The following FBN1 variants were observed in gnomAD, a reference collection of about 807,000 sequenced individuals.
The protein encoded by FBN1 is fibrillin 1, also known as fibrillin-1.
Under a neutral mutation model 365.1 loss-of-function variants are expected in FBN1, and 29 were observed. That is an observed-to-expected ratio of 0.08 (90% CI 0.06 to 0.11). The LOEUF is 0.11. Ranked by LOEUF, FBN1 falls within the 10% of genes least tolerant of loss-of-function variation. The probability of loss-of-function intolerance (pLI) is 1.00; values close to 1 mark genes in which losing one functional copy is unlikely to be tolerated. For synonymous variants in FBN1, 1,210 were observed against 1,270.5 expected, an observed-to-expected ratio of 0.95 and a Z score of 1.01; for missense variants, 2,476 against 3,703.2, an observed-to-expected ratio of 0.67 and a Z score of 8.60.
intron 6 of FBN1, among the ~76,000 whole-genome samples, chr15:48,551,903 C>A (rs1452319515): frequency 6.6e-6 from 1 of 152,120 alleles, no homozygotes; most frequent in Non-Finnish European, 1.5e-5. Context: ...TTTCCGGTCT[C>A]ATTGATGGAC....
intron 58 of FBN1, 44 bp downstream of exon 58, chr15:48,427,523 T>C: frequency 4.4e-6 from 7 of 1,584,082 alleles, no homozygotes; most frequent in Non-Finnish European, 6.1e-6. Flanking sequence ...AAAAAACAAA[T>C]AAATAGATTC....
At chr15:48,487,235 A>G in intron 28 of FBN1, 35 bp from the exon 29 acceptor site, 19 of 1,614,138 alleles carry the variant, frequency 1.2e-5, no homozygotes, top group Non-Finnish European at 1.6e-5. Context: ...ACACCCAAAC[A>G]TAAGCTTCCA....
Position 48,434,586 on chromosome 15 carries a change from A to C in FBN1, c.6616+8T>G. 6.2e-7 allele frequency: 1 copy of C among 1,613,648 alleles called. No homozygotes were observed. The highest frequency in any genetic ancestry group is 8.5e-7 in the Non-Finnish European group (1 of 1,179,666). On this transcript the variant is annotated splice_region_variant and intron_variant, in intron 54 of 65. Coordinates refer to ENST00000316623, the MANE Select transcript of FBN1 (RefSeq NM_000138.5). ...CGTAATCAACTGTTCTCTGTTTAAG[A>C]GATGTACCTTCACATGTCATCATTG...
chr15:48,437,165 A>ATCATAAT, intron 52 of FBN1, 88 bp from the exon 53 acceptor site: 1 of 1,152,376 alleles, frequency 8.7e-7, no homozygotes, highest in Non-Finnish European at 1.3e-6. Context: ...TAATCAAAAG[A>ATCATAAT]TTATCTAATA....
At chr15:48,559,879 C>T (rs2044210747) in intron 6 of FBN1, among the ~76,000 whole-genome samples, 1 of 152,114 alleles carries the variant, frequency 6.6e-6, no homozygotes, top group Non-Finnish European at 1.5e-5. Flanking sequence ...TTTTGTGTGC[C>T]CATCATCTGT....
At chr15:48,535,138 T>G (rs1367051712) in intron 7 of FBN1, among the ~76,000 whole-genome samples, 6 of 152,216 alleles carry the variant, frequency 3.9e-5, no homozygotes, top group African/African-American at 1.2e-4. Flanking sequence ...CCTCCAGGTC[T>G]GTGCTCCAAT....
At chr15:48,575,613 A>G (rs1437254478) in intron 6 of FBN1, among the ~76,000 whole-genome samples, 1 of 151,878 alleles carries the variant, frequency 6.6e-6, no homozygotes, top group Non-Finnish European at 1.5e-5. Flanking sequence ...GCTCTGTCCA[A>G]CCTCTGCGGA....
intron 17 of FBN1, among the ~76,000 whole-genome samples, chr15:48,499,737 A>G (rs1470436359): frequency 6.6e-6 from 1 of 152,220 alleles, no homozygotes; most frequent in African/African-American, 2.4e-5. Flanking sequence ...TACAATTCCA[A>G]CAATACTTAA....
intron 64 of FBN1, among the ~76,000 whole-genome samples, chr15:48,412,955 C>T (rs2042876064): frequency 6.6e-6 from 1 of 152,336 alleles, no homozygotes; most frequent in South Asian, 2.1e-4. Flanking sequence ...CTTCTACTGC[C>T]TATCAAGACC....
At chr15:48,594,039 T>A (rs1179154197) in intron 6 of FBN1, among the ~76,000 whole-genome samples, 1 of 152,148 alleles carries the variant, frequency 6.6e-6, no homozygotes, top group Non-Finnish European at 1.5e-5. Flanking sequence ...CTGTCCTGAC[T>A]CGGTATCAGA....
Position 48,621,728 on chromosome 15 carries a change from C to A in FBN1, c.165-8636G>T, listed in dbSNP as rs7179214. Among the ~76,000 whole-genome samples the A allele has an allele frequency of 6.5e-3, 993 of 152,266 alleles. 15 individuals carry two copies. Among genetic ancestry groups the A allele is most frequent in the African/African-American group, 0.023 (951 of 41,536 alleles). On this transcript the variant is annotated intron_variant, in intron 2 of 65. Coordinates refer to ENST00000316623, the MANE Select transcript of FBN1 (RefSeq NM_000138.5). ...CATTGGTTGGGCACGATGGCTCACG[C>A]CTGTAATCCCAGTACTTTCGGAGGC...
chr15:48,415,558 C>G lies in FBN1; in HGVS notation c.8029G>C (p.Gly2677Arg). 6.2e-7 allele frequency: 1 copy of G among 1,614,082 alleles called. No individual in the cohort carries two copies. The highest frequency in any genetic ancestry group is 1.1e-5 in the South Asian group (1 of 91,070). The change falls in exon 64 of 66, where the codon GGT (glycine) becomes CGT (arginine). Residue 2677 changes from glycine to arginine, a missense_variant. Gly to Arg is a moderately radical substitution (Grantham distance 125). This residue lies in a region of FBN1 where 1,780 missense variants were observed against 2,840.8 expected (regional missense o/e 0.63). Coordinates refer to ENST00000316623, the MANE Select transcript of FBN1 (RefSeq NM_000138.5). ...EGGYLCGCPP[G>R]YFRIGQGHCV... ...TACCCTTGGCCTATGCGGAAGTAAC[C>G]AGGTGGACAGCCACACAGGTAACCG...
At chr15:48,626,708 G>C (rs1025864412) in intron 2 of FBN1, among the ~76,000 whole-genome samples, 2 of 149,150 alleles carry the variant, frequency 1.3e-5, no homozygotes, top group African/African-American at 4.9e-5. Flanking sequence ...AAAAACTTAA[G>C]TTTTTTTTTT....
chr15:48,569,268 G>A (rs771605684), intron 6 of FBN1, among the ~76,000 whole-genome samples: 1 of 151,970 alleles, frequency 6.6e-6, no homozygotes, highest in African/African-American at 2.4e-5. Flanking sequence ...AAAACCACAG[G>A]ACATCATTTC....
intron 35 of FBN1, among the ~76,000 whole-genome samples, chr15:48,471,088 T>C (rs911900658): frequency 3.9e-5 from 6 of 152,196 alleles, no homozygotes; most frequent in African/African-American, 7.2e-5. Context: ...TTCGTTTTTT[T>C]TTTTTAATCT....
chr15:48,586,716 A>C (rs1175019843), intron 6 of FBN1, among the ~76,000 whole-genome samples: 1 of 152,238 alleles, frequency 6.6e-6, no homozygotes, highest in East Asian at 1.9e-4. Flanking sequence ...ATGATTAAAT[A>C]ATGAAGATCT....
At chr15:48,617,295 C>T (rs1024126934) in intron 2 of FBN1, among the ~76,000 whole-genome samples, 2 of 152,196 alleles carry the variant, frequency 1.3e-5, no homozygotes, top group African/African-American at 4.8e-5. Flanking sequence ...CTGCCTCAGC[C>T]TCCTGAGTAG....
At chr15:48,534,535 T>A (rs2043998997) in intron 7 of FBN1, among the ~76,000 whole-genome samples, 1 of 152,230 alleles carries the variant, frequency 6.6e-6, no homozygotes, top group Admixed American at 6.5e-5. Flanking sequence ...TAAAAGGCCA[T>A]TATTCACGGC....
At position 48,503,942 on chromosome 15, in the gene FBN1, A is replaced by G. The variant is rs751388860; in HGVS notation, c.1961-3T>C. On this transcript the variant is annotated splice_polypyrimidine_tract_variant and splice_region_variant and intron_variant, in intron 16 of 65. Transcript: ENST00000316623. Reference sequence around the variant, plus strand: ...GCATGTGCTCCGCATGTGTGTGTCTAAACAGGAAGAAGCATCTGTCATCAC... The same window carrying G: ...GCATGTGCTCCGCATGTGTGTGTCTGAACAGGAAGAAGCATCTGTCATCAC... 13 of 1,613,984 alleles carry G rather than the reference A, an allele frequency of 8.1e-6. No individual in the cohort carries two copies. In the African/African-American group the frequency reaches 1.6e-4, roughly 20 times the overall value.
Sources: gnomAD v4.1 joint callset for allele counts (sites outside exome capture counted in the v4.1 genomes callset) on GRCh38, gnomAD v4.1.1 for gene constraint, gnomAD v4.1.1 regional missense constraint, MANE v1.5 for transcripts, NCBI Gene and HGNC (gene_info 2026-07-23, HGNC 2026-07-21) for gene names.